The following PFKFB4 variants were observed in gnomAD, a reference collection of about 807,000 sequenced individuals.
PFKFB4 encodes the protein 6-phosphofructo-2-kinase/fructose-2,6-biphosphatase 4.
In PFKFB4, 42 loss-of-function variants were observed where a neutral mutation model predicts 62.8. The ratio of observed to expected loss-of-function variants is 0.67; its 90% confidence interval spans 0.52 to 0.86. PFKFB4 has a LOEUF of 0.86. Among genes scored for constraint, PFKFB4 ranks in the 40% least tolerant of loss-of-function variants. The pLI is 0.00. For synonymous variants in PFKFB4, 204 were observed against 240.7 expected, an observed-to-expected ratio of 0.85 and a Z score of 1.41; for missense variants, 475 against 627.2, an observed-to-expected ratio of 0.76 and a Z score of 2.59.
intron 4 of PFKFB4, among the ~76,000 whole-genome samples, chr3:48,540,878 G>C (rs1374164183): frequency 6.7e-6 from 1 of 148,780 alleles, no homozygotes; most frequent in Non-Finnish European, 1.5e-5. Flanking sequence ...GGGTTCAAGC[G>C]ATTCTCCTGC....
intron 9 of PFKFB4, among the ~76,000 whole-genome samples, chr3:48,526,275 G>T (rs1473278910): frequency 6.7e-6 from 1 of 149,912 alleles, no homozygotes; most frequent in African/African-American, 2.5e-5. Context: ...GAAAAAAAAA[G>T]AAAAGTTGGC....
upstream of PFKFB4, among the ~76,000 whole-genome samples, chr3:48,557,352 T>G (rs539093033): frequency 1.3e-5 from 2 of 152,282 alleles, no homozygotes; most frequent in African/African-American, 2.4e-5. Context: ...AGCCGTCAAC[T>G]CCGCTGCGCC....
chr3:48,541,794 T>C (rs1312798520), intron 4 of PFKFB4, among the ~76,000 whole-genome samples: 1 of 152,100 alleles, frequency 6.6e-6, no homozygotes, highest in East Asian at 1.9e-4. Context: ...GGTGAAACCC[T>C]GTCTCTGTGA....
chr3:48,537,929 G>A (rs577673226), intron 7 of PFKFB4, among the ~76,000 whole-genome samples: 10 of 152,254 alleles, frequency 6.6e-5, no homozygotes, highest in Admixed American at 1.3e-4. Flanking sequence ...CCACAATGAC[G>A]AGTTGTAATG....
At chr3:48,519,857 T>C (rs1459314561) in intron 13 of PFKFB4, 51 bp from the exon 14 acceptor site, 2 of 1,437,664 alleles carry the variant, frequency 1.4e-6, no homozygotes, top group Non-Finnish European at 2.0e-6. Context: ...ATAGATGAGA[T>C]GCCTGCTGTC....
At chr3:48,562,899 G>T (rs903310048), upstream of PFKFB4, 1 of 1,605,294 alleles carries the variant, frequency 6.2e-7, no homozygotes, top group Non-Finnish European at 8.5e-7. The surrounding 1 kb of genome is among the most constrained non-coding windows in gnomAD (Gnocchi z 4.3). Context: ...GGGACATCCA[G>T]CGATAGGACA....
chr3:48,523,514 C>T (rs2042160294), intron 12 of PFKFB4, 23 bp downstream of exon 12: 1 of 1,608,906 alleles, frequency 6.2e-7, no homozygotes, highest in Non-Finnish European at 8.5e-7. Flanking sequence ...TACCCATGGT[C>T]AATGTGCAGG....
chr3:48,523,341 G>A (rs879832645), intron 12 of PFKFB4, among the ~76,000 whole-genome samples, 196 bp downstream of exon 12: 7 of 152,128 alleles, frequency 4.6e-5, no homozygotes, highest in African/African-American at 7.2e-5. Context: ...CCTAGATCAC[G>A]CCATTGCACT....
At chr3:48,525,492 C>T (rs1175327626) in intron 10 of PFKFB4, 73 bp downstream of exon 10, 2 of 754,764 alleles carry the variant, frequency 2.6e-6, no homozygotes, top group East Asian at 2.9e-5. Context: ...CAGAGCCCCA[C>T]AGGCCCTCAG....
chr3:48,534,506 C>T (rs1334302117), intron 9 of PFKFB4, among the ~76,000 whole-genome samples: 1 of 151,848 alleles, frequency 6.6e-6, no homozygotes, highest in African/African-American at 2.4e-5. Flanking sequence ...TCCGTCTCTA[C>T]AAAAATTAGA....
At chr3:48,526,416 T>C (rs1395287117) in intron 9 of PFKFB4, among the ~76,000 whole-genome samples, 1 of 150,708 alleles carries the variant, frequency 6.6e-6, no homozygotes, top group African/African-American at 2.4e-5. Flanking sequence ...CTACTAAAAA[T>C]ACAAAAATTA....
chr3:48,543,912 T>C (rs955926970), intron 3 of PFKFB4, among the ~76,000 whole-genome samples: 1 of 152,196 alleles, frequency 6.6e-6, no homozygotes, highest in Non-Finnish European at 1.5e-5. Flanking sequence ...CATCCTCTCA[T>C]TGTGCACAAA....
intron 9 of PFKFB4, among the ~76,000 whole-genome samples, chr3:48,530,413 A>T (rs1427186362): frequency 6.6e-6 from 1 of 152,200 alleles, no homozygotes; most frequent in Non-Finnish European, 1.5e-5. Context: ...TGACAGTATG[A>T]GCTTTGTTAA....
intron 1 of PFKFB4, among the ~76,000 whole-genome samples, chr3:48,552,654 G>A (rs1293126689): frequency 2.0e-5 from 3 of 152,230 alleles, no homozygotes; most frequent in Non-Finnish European, 4.4e-5. Flanking sequence ...TGCGACAGCT[G>A]CTAAGCAGGA....
At chr3:48,544,359 A>AT (rs1488781170) in intron 3 of PFKFB4, among the ~76,000 whole-genome samples, 1 of 150,870 alleles carries the variant, frequency 6.6e-6, no homozygotes, top group Non-Finnish European at 1.5e-5. Context: ...AGGGTTCTGC[A>AT]TCTCTTCTTC....
intron 1 of PFKFB4, among the ~76,000 whole-genome samples, chr3:48,550,442 C>G (rs1226890674): frequency 6.6e-6 from 1 of 152,202 alleles, no homozygotes; most frequent in Non-Finnish European, 1.5e-5. Context: ...CCAGGCCCGC[C>G]TGGGCTCTGG....
At chr3:48,536,626 C>T (rs1467124538) in intron 7 of PFKFB4, 163 bp from the exon 8 acceptor site, 45 of 611,880 alleles carry the variant, frequency 7.4e-5, no homozygotes, top group Non-Finnish European at 1.1e-4. Context: ...GGGGGTGAGG[C>T]GGGAGCAACA....
rs2041986204 is a variant in PFKFB4 at position 48,518,477 on chromosome 3, T to C, written c.*1270A>G. ...CCCGATTACAAGTCCAGACACTTTC[T>C]GACCCAGCCCCACAACTTGCCAGCC... On this transcript the variant is annotated 3_prime_UTR_variant, in exon 14 of 14. Coordinates refer to ENST00000232375, the MANE Select transcript of PFKFB4 (RefSeq NM_004567.4). 1 of 152,300 alleles carries C rather than the reference T, an allele frequency of 6.6e-6. No homozygotes were observed. Among genetic ancestry groups the C allele is most frequent in the South Asian group, 2.1e-4 (1 of 4,838 alleles). The allele number at this position is 152,300 out of a possible 1,614,324, so 9.4% of individuals were successfully genotyped here. A position where few individuals can be genotyped will look rare whatever the true frequency, so the allele number is the denominator to read the frequency against.
intron 7 of PFKFB4, among the ~76,000 whole-genome samples, chr3:48,538,049 G>A (rs1043318117): frequency 7.9e-5 from 12 of 152,280 alleles, no homozygotes; most frequent in South Asian, 2.1e-4. Flanking sequence ...GAACTCAGCC[G>A]TGGGCTGTTT....
Sources: gnomAD v4.1 joint callset for allele counts (sites outside exome capture counted in the v4.1 genomes callset) on GRCh38, gnomAD v4.1.1 for gene constraint, Gnocchi (gnomAD v3.1) non-coding constraint, MANE v1.5 for transcripts, NCBI Gene and HGNC (gene_info 2026-07-23, HGNC 2026-07-21) for gene names.